Variants in MYO5B observed in about 807,000 individuals in gnomAD.
MYO5B encodes unconventional myosin-Vb.
MYO5B carries 143 observed loss-of-function variants against 229.3 expected under a neutral mutation model. The observed-to-expected ratio is 0.62, with a 90% confidence interval of 0.54 to 0.72. The LOEUF (loss-of-function observed/expected upper bound fraction) is 0.72, where lower values mean the gene tolerates loss of function less well. Among genes scored for constraint, MYO5B ranks in the 30% least tolerant of loss-of-function variants. The pLI, the probability that MYO5B is intolerant of heterozygous loss-of-function variation, is 0.00. For missense variants in MYO5B, 2,321 were observed against 2,331.0 expected (o/e 1.00, Z 0.09); for synonymous variants, 918 against 885.2 (o/e 1.04, Z -0.66).
chr18:50,099,725 A>G (rs756967499), intron 1 of MYO5B, among the ~76,000 whole-genome samples: 3 of 152,328 alleles, frequency 2.0e-5, no homozygotes, highest in Non-Finnish European at 4.4e-5. Context: ...TTCAGCAACC[A>G]TCTTTACATG....
At chr18:49,867,303 G>C (rs2024407842) in intron 27 of MYO5B, among the ~76,000 whole-genome samples, 2 of 152,206 alleles carry the variant, frequency 1.3e-5, no homozygotes, top group African/African-American at 4.8e-5. Flanking sequence ...CTAGATGCTT[G>C]GGTGACGTGT....
chr18:49,954,260 T>C (rs201607477), intron 13 of MYO5B, 53 bp downstream of exon 13: 2 of 1,608,584 alleles, frequency 1.2e-6, no homozygotes, highest in Non-Finnish European at 1.7e-6. Context: ...GCCCATTGAG[T>C]CTACTTAGAG....
At chr18:50,033,513 A>C (rs2026413227) in intron 4 of MYO5B, among the ~76,000 whole-genome samples, 1 of 152,168 alleles carries the variant, frequency 6.6e-6, no homozygotes, top group Non-Finnish European at 1.5e-5. Context: ...GAGGTCTTAC[A>C]TTTCCTAGTG....
chr18:50,053,954 C>A (rs998118723), intron 2 of MYO5B, among the ~76,000 whole-genome samples: 24 of 152,184 alleles, frequency 1.6e-4, no homozygotes, highest in African/African-American at 5.6e-4. Flanking sequence ...AAAGCCAACC[C>A]TTAATTTGTT....
intron 33 of MYO5B, 31 bp downstream of exon 33, chr18:49,847,114 AG>A: frequency 6.2e-7 from 1 of 1,613,470 alleles, no homozygotes; most frequent in African/African-American, 1.3e-5. Flanking sequence ...AAGGAGGGGC[AG>A]GCAGCATAGG....
Position 50,163,320 on chromosome 18 carries a change from T to C in MYO5B, c.27+31447A>G, listed in dbSNP as rs932859428. Among the ~76,000 whole-genome samples, 7 of 152,220 alleles carry C rather than the reference T, an allele frequency of 4.6e-5. 1 individual carries two copies. The highest frequency in any genetic ancestry group is 6.3e-3 in the Middle Eastern group (2 of 316). ...GTGGGGAGAGAGCTCGGCTCGTTCA[T>C]GTCAGGGTGGTACCCTCCACTCTCC... On this transcript the variant is annotated intron_variant, in intron 1 of 39. Coordinates refer to ENST00000285039, the MANE Select transcript of MYO5B (RefSeq NM_001080467.3).
chr18:49,945,754 GGGAGGA>G (rs1055221990), intron 14 of MYO5B, among the ~76,000 whole-genome samples: 1 of 69,010 alleles, frequency 1.4e-5, no homozygotes, highest in Admixed American at 1.4e-4. Context: ...AGGGGAGGAG[GGGAGGA>G]GGAGGAGGAG....
At chr18:49,992,558 T>C in intron 5 of MYO5B, 127 bp from the exon 6 acceptor site, 1 of 1,377,154 alleles carries the variant, frequency 7.3e-7, no homozygotes. Flanking sequence ...GTTCTTGGGA[T>C]GACAATGAAC....
intron 1 of MYO5B, among the ~76,000 whole-genome samples, chr18:50,194,550 C>G (rs1293571318): frequency 1.3e-5 from 2 of 152,188 alleles, no homozygotes; most frequent in African/African-American, 4.8e-5. Context: ...CTCTAGGAGC[C>G]GGGTGGCCGG....
In MYO5B at chr18:49,836,883, T is replaced by C. The variant is rs1183088441; in HGVS notation, c.5141A>G (p.Tyr1714Cys). ...CSWSTGMQLR[Y>C]NISQLEEWLR... ...CCACTCCTCAAGCTGACTTATATTGTACCTTAGCCATAGGTAGAAAGCAAG... is the reference window on the plus strand; with the variant it reads ...CCACTCCTCAAGCTGACTTATATTGCACCTTAGCCATAGGTAGAAAGCAAG... Residue 1714 changes from tyrosine (Y) to cysteine (C), a missense_variant and splice_region_variant, in exon 38 of 40, where the codon TAC (tyrosine) becomes TGC (cysteine). By Grantham distance (194) the Tyr-to-Cys change is radical. Around this residue, in one of 2 missense-constraint regions of MYO5B, gnomAD observed 208 missense variants for 286.3 expected, o/e 0.73. Coordinates refer to ENST00000285039, the MANE Select transcript of MYO5B (RefSeq NM_001080467.3). 1 of 1,613,872 alleles carries C rather than the reference T, an allele frequency of 6.2e-7. No individual in the cohort carries two copies. Among genetic ancestry groups the C allele is most frequent in the Non-Finnish European group, 8.5e-7 (1 of 1,179,876 alleles).
chr18:50,174,213 T>TA (rs1323336759), intron 1 of MYO5B, among the ~76,000 whole-genome samples: 5 of 152,084 alleles, frequency 3.3e-5, no homozygotes, highest in African/African-American at 1.2e-4. Context: ...CAGAATAGGA[T>TA]AAAGATACAT....
At chr18:50,140,704 T>C (rs965927850) in intron 1 of MYO5B, among the ~76,000 whole-genome samples, 1 of 151,874 alleles carries the variant, frequency 6.6e-6, no homozygotes, top group Non-Finnish European at 1.5e-5. Flanking sequence ...TAGAAGGGGG[T>C]GCAAACCATT....
chr18:50,178,573 T>C (rs1308169193), intron 1 of MYO5B, among the ~76,000 whole-genome samples: 3 of 152,202 alleles, frequency 2.0e-5, no homozygotes, highest in Non-Finnish European at 4.4e-5. Context: ...AGTTTACTTA[T>C]TGAGTGAGAT....
chr18:50,060,725 T>G (rs981897217), intron 1 of MYO5B, among the ~76,000 whole-genome samples: 1 of 152,194 alleles, frequency 6.6e-6, no homozygotes. Context: ...GCAGCTGTTC[T>G]CCTACATACA....
chr18:50,111,984 T>C (rs895110149), intron 1 of MYO5B, among the ~76,000 whole-genome samples: 1 of 152,150 alleles, frequency 6.6e-6, no homozygotes, highest in Non-Finnish European at 1.5e-5. Flanking sequence ...GCTGTACTAA[T>C]GGAGGTCACA....
intron 33 of MYO5B, among the ~76,000 whole-genome samples, chr18:49,843,721 C>T (rs77301982): frequency 0.016 from 2,424 of 152,304 alleles, 59 homozygotes; most frequent in South Asian, 0.12. Context: ...TGCCTCAGTC[C>T]GCAGCCAACA....
chr18:49,978,694 T>TACACACACACACACACAC (rs10527520), intron 9 of MYO5B, among the ~76,000 whole-genome samples: 105 of 139,202 alleles, frequency 7.5e-4, no homozygotes, highest in African/African-American at 1.4e-3. Flanking sequence ...CAGCAAGTAA[T>TACACACACACACACACAC]ACACACACAC....
intron 22 of MYO5B, among the ~76,000 whole-genome samples, chr18:49,885,251 G>A (rs950529253): frequency 3.9e-5 from 6 of 152,278 alleles, no homozygotes; most frequent in African/African-American, 9.6e-5. Context: ...CAGAGGACTC[G>A]TCTCAACCTG....
chr18:49,935,565 T>C (rs530693661), intron 16 of MYO5B, among the ~76,000 whole-genome samples: 6 of 152,310 alleles, frequency 3.9e-5, no homozygotes, highest in African/African-American at 1.2e-4. Flanking sequence ...AAGAGTGTGG[T>C]CTCAGATGTG....
Sources: gnomAD v4.1 joint callset for allele counts (sites outside exome capture counted in the v4.1 genomes callset) on GRCh38, gnomAD v4.1.1 for gene constraint, gnomAD v4.1.1 regional missense constraint, MANE v1.5 for transcripts, NCBI Gene and HGNC (gene_info 2026-07-23, HGNC 2026-07-21) for gene names.